The following TRRAP variants were observed in gnomAD, a reference collection of about 807,000 sequenced individuals.
TRRAP encodes the protein transformation/transcription domain associated protein, also known as transformation/transcription domain-associated protein.
TRRAP carries 41 observed loss-of-function variants against 438.8 expected under a neutral mutation model. The ratio of observed to expected loss-of-function variants is 0.09; its 90% CI spans 0.07 to 0.12. The LOEUF is 0.12. Among genes scored for constraint, TRRAP ranks in the 10% least tolerant of loss-of-function variants. The pLI is 1.00. For missense variants in TRRAP, 3,122 were observed against 5,055.1 expected, an observed-to-expected ratio of 0.62 and a Z score of 11.60; for synonymous variants, 1,994 against 1,962.9, an observed-to-expected ratio of 1.02 and a Z score of -0.42.
At chr7:98,942,162 C>A (rs1364646601) in intron 30 of TRRAP, among the ~76,000 whole-genome samples, 3 of 152,200 alleles carry the variant, frequency 2.0e-5, no homozygotes, top group Non-Finnish European at 4.4e-5. Flanking sequence ...AAGCTAAAGT[C>A]TGGGGTCTCT....
At chr7:98,946,071 C>A in intron 33 of TRRAP, 121 bp downstream of exon 33, 2 of 1,011,734 alleles carry the variant, frequency 2.0e-6, no homozygotes, top group Non-Finnish European at 1.3e-6. Flanking sequence ...GTGCAGTGAC[C>A]TGTATTGTCT....
rs138940785 is a variant in TRRAP at position 98,886,082 on chromosome 7, C to T, written c.150+4058C>T. Among the ~76,000 whole-genome samples the T allele has an allele frequency of 6.1e-3, 932 of 152,176 alleles. 9 individuals carry two copies. The highest frequency in any genetic ancestry group is 0.021 in the African/African-American group (867 of 41,528). Reference sequence around the variant, plus strand: ...GGTGGATCACTTGAGGCCAGGAGTTCGAGACCAACCTGGCCAACATGGTGA... The same window carrying T: ...GGTGGATCACTTGAGGCCAGGAGTTTGAGACCAACCTGGCCAACATGGTGA... On this transcript the variant is annotated intron_variant, in intron 3 of 72. Coordinates refer to ENST00000456197, the MANE Select transcript of TRRAP (RefSeq NM_001375524.1).
chr7:98,927,968 G>A (rs1554411892), intron 23 of TRRAP, among the ~76,000 whole-genome samples: 2 of 152,176 alleles, frequency 1.3e-5, no homozygotes, highest in Non-Finnish European at 2.9e-5. Flanking sequence ...GCCAGGCACG[G>A]TGGCTCACGC....
chr7:98,893,238 C>T (rs1554405228), intron 5 of TRRAP, among the ~76,000 whole-genome samples: 1 of 152,206 alleles, frequency 6.6e-6, no homozygotes, highest in Non-Finnish European at 1.5e-5. Flanking sequence ...GCGTGAGCCA[C>T]CTCGCCCAGC....
chr7:99,012,220 C>T lies in TRRAP; in HGVS notation c.11487C>T (p.Val3829=), dbSNP rs187641461. 1.2e-4 allele frequency: 197 copies of T among 1,614,126 alleles called. 2 individuals are homozygous for T. In the East Asian group the frequency reaches 4.4e-3, roughly 36 times the overall value. ...TGGTGTCCCTGGTTCAGAAAGCCGT[C>T]ACCGCCATCATGACCCGCCTGCACA... The part of the protein sequence containing the change: ...QQLVSLVQKA[V]TAIMTRLHNL... Residue 3829 remains valine (V), a synonymous_variant, in exon 73 of 73, where the codon GTC becomes GTT. Transcript: ENST00000456197. This position sits in a 1 kb window ranked among gnomAD's most constrained non-coding sequence, Gnocchi z 5.9.
intron 67 of TRRAP, among the ~76,000 whole-genome samples, chr7:98,996,005 G>A (rs1385942347): frequency 1.1e-3 from 19 of 16,852 alleles, no homozygotes; most frequent in African/African-American, 3.3e-3. Context: ...ATGCACCCCC[G>A]TCCCATCTAC....
At chr7:99,003,335 T>A (rs2116852810) in intron 67 of TRRAP, among the ~76,000 whole-genome samples, 1 of 152,364 alleles carries the variant, frequency 6.6e-6, no homozygotes, top group East Asian at 1.9e-4. Context: ...TATCCTGCAT[T>A]AGTTCCTTCT....
intron 51 of TRRAP, 95 bp downstream of exon 51, chr7:98,967,793 G>A: frequency 9.0e-7 from 1 of 1,109,334 alleles, no homozygotes; most frequent in South Asian, 1.5e-5. Flanking sequence ...ACACTGAGAT[G>A]AATTGGAAAT....
At position 98,910,218 on chromosome 7, in the gene TRRAP, G is replaced by GCCCCCCCCC; in HGVS notation, c.1517_1518insCCCCCCCCC (p.Pro513_Pro515dup). ...TGCTCCCTCCCCAGCCCCTGTCCCT[G>GCCCCCCCCC]CCCCACCTCCACCCCCGCCCCCACC... On this transcript the variant is annotated inframe_insertion, in exon 15 of 73. Coordinates refer to ENST00000456197, the MANE Select transcript of TRRAP (RefSeq NM_001375524.1). 5 of 1,377,616 alleles carry GCCCCCCCCC rather than the reference G, an allele frequency of 3.6e-6. No homozygotes were observed. Among genetic ancestry groups the GCCCCCCCCC allele is most frequent in the East Asian group, 5.2e-5 (2 of 38,490 alleles). The allele number at this position is 1,377,616 out of a possible 1,614,324, so 85.3% of individuals were successfully genotyped here.
chr7:98,938,963 T>A (rs1790677078), intron 30 of TRRAP, among the ~76,000 whole-genome samples: 1 of 152,188 alleles, frequency 6.6e-6, no homozygotes, highest in African/African-American at 2.4e-5. Context: ...GTCCTTTGGG[T>A]TTTTAGAATT....
intron 28 of TRRAP, among the ~76,000 whole-genome samples, chr7:98,936,096 A>G (rs1276105064): frequency 6.6e-6 from 1 of 152,230 alleles, no homozygotes. Flanking sequence ...TGTCAAGCAC[A>G]GGAATGATGC....
chr7:98,927,403 C>T, intron 23 of TRRAP, 37 bp downstream of exon 23: 4 of 1,606,028 alleles, frequency 2.5e-6, no homozygotes, highest in Non-Finnish European at 2.6e-6. Context: ...GGGATTGGTT[C>T]TTTGACTTTT....
chr7:98,964,005 C>G (rs1041689531), intron 47 of TRRAP, among the ~76,000 whole-genome samples: 21 of 151,226 alleles, frequency 1.4e-4, no homozygotes, highest in Non-Finnish European at 2.8e-4. Context: ...TGCTTGAATC[C>G]TGGAGGCAGA....
At chr7:98,997,528 G>A (rs1275691958) in intron 67 of TRRAP, among the ~76,000 whole-genome samples, 10 of 130,296 alleles carry the variant, frequency 7.7e-5, no homozygotes, top group African/African-American at 1.8e-4. Flanking sequence ...GTAGGAAGCC[G>A]AATTCCCATA....
rs181613632 is a variant in TRRAP, at chr7:98,977,860, G to C, written c.8386-351G>C. Among the ~76,000 whole-genome samples the C allele has an allele frequency of 3.3e-5, 5 of 152,296 alleles. No homozygotes were observed. In the East Asian group the frequency reaches 9.6e-4, roughly 29 times the overall value. ...CCTCTCCTCCTTCCATTCTGTTCAG[G>C]GAATCCCACTGTCTTCTGTCTCTGA... is the stretch of plus-strand genomic sequence containing the variant. On this transcript the variant is annotated intron_variant, in intron 56 of 72. Transcript: ENST00000456197.
At chr7:98,952,225 C>T (rs1791373194) in intron 39 of TRRAP, among the ~76,000 whole-genome samples, 1 of 152,162 alleles carries the variant, frequency 6.6e-6, no homozygotes, top group Non-Finnish European at 1.5e-5. Context: ...GTAGAATATT[C>T]CTCAAAGAAG....
intron 38 of TRRAP, 34 bp downstream of exon 38, chr7:98,950,296 G>A: frequency 3.7e-6 from 6 of 1,609,098 alleles, no homozygotes; most frequent in Non-Finnish European, 5.1e-6. Flanking sequence ...GAAGGGTATG[G>A]GTATTTGGTC....
In TRRAP at chr7:99,011,923, G is replaced by A. The variant is rs1794446684; in HGVS notation, c.11338-148G>A. On this transcript the variant is annotated intron_variant, in intron 72 of 72. Transcript: ENST00000456197. This position sits in a 1 kb window ranked among gnomAD's most constrained non-coding sequence, Gnocchi z 7.1. ...CAGCGGCTTCCCCAGCCCGTCCTGA[G>A]GGCACACAGCCTGGCCTGGTGCTGA... 4.7e-6 allele frequency: 5 copies of A among 1,063,708 alleles called. No individual in the cohort carries two copies. The highest frequency in any genetic ancestry group is 6.7e-6 in the Non-Finnish European group (5 of 749,766). 65.9% of individuals were successfully genotyped at this position (1,063,708 alleles called of 1,614,324 possible).
At chr7:98,892,977 G>A (rs1335042495) in intron 5 of TRRAP, among the ~76,000 whole-genome samples, 1 of 148,548 alleles carries the variant, frequency 6.7e-6, no homozygotes, top group Non-Finnish European at 1.5e-5. Flanking sequence ...TTTCTTTTTT[G>A]AGATGAAGTC....
Sources: gnomAD v4.1 joint callset for allele counts (sites outside exome capture counted in the v4.1 genomes callset) on GRCh38, gnomAD v4.1.1 for gene constraint, Gnocchi (gnomAD v3.1) non-coding constraint, MANE v1.5 for transcripts, NCBI Gene and HGNC (gene_info 2026-07-23, HGNC 2026-07-21) for gene names.